The following SPRR2B variants were observed in gnomAD, a reference collection of about 807,000 sequenced individuals.
The protein encoded by SPRR2B is small proline-rich protein 2B.
A neutral mutation model predicts 1.0 loss-of-function variants in SPRR2B; 1 was observed. That is an observed-to-expected ratio of 1.01 (90% CI 0.36 to 4.77). SPRR2B has a LOEUF of 4.77. Among genes scored for constraint, SPRR2B ranks in the 30% most tolerant of loss-of-function variants. The pLI is 0.16. For missense variants in SPRR2B, 53 were observed against 88.7 expected, an observed-to-expected ratio of 0.60 and a Z score of 1.62; for synonymous variants, 27 against 33.4, an observed-to-expected ratio of 0.81 and a Z score of 0.66.
the SPRR2B span, among the ~76,000 whole-genome samples, chr1:153,077,384 G>C: frequency 6.6e-6 from 1 of 152,160 alleles, no homozygotes; most frequent in Admixed American, 6.5e-5. Context: ...GGATGCTGGA[G>C]AGAAACTATG....
chr1:153,073,695 TCACA>T (rs4041380), upstream of SPRR2B, among the ~76,000 whole-genome samples: 1,926 of 144,578 alleles, frequency 0.013, 15 homozygotes, highest in Middle Eastern at 0.025. Context: ...GAGGCATACT[TCACA>T]CACACACACA....
chr1:153,078,411 G>A, the SPRR2B span, among the ~76,000 whole-genome samples: 33 of 152,052 alleles, frequency 2.2e-4, no homozygotes, highest in African/African-American at 6.8e-4. Context: ...TGTGCACAAC[G>A]TGCAGGTTAG....
At chr1:153,076,079 G>GA (rs1035975388), upstream of SPRR2B, among the ~76,000 whole-genome samples, 3 of 152,066 alleles carry the variant, frequency 2.0e-5, no homozygotes, top group Admixed American at 6.5e-5. Context: ...TTATTCTTCT[G>GA]AAAAAATATA....
chr1:153,072,251 A>G (rs1212253129), upstream of SPRR2B, among the ~76,000 whole-genome samples: 2 of 152,026 alleles, frequency 1.3e-5, no homozygotes, highest in African/African-American at 4.8e-5. Context: ...TGTCTTACAC[A>G]CCTCTTATAG....
the SPRR2B span, among the ~76,000 whole-genome samples, chr1:153,077,432 C>T: frequency 1.3e-5 from 2 of 152,130 alleles, no homozygotes. Context: ...TACACTGGTA[C>T]ATAAAAGCTG....
the SPRR2B span, among the ~76,000 whole-genome samples, chr1:153,078,962 A>G: frequency 7.1e-4 from 108 of 152,306 alleles, 3 homozygotes; most frequent in East Asian, 0.02. Flanking sequence ...TCGTTGAACT[A>G]GTTTACAGTC....
At chr1:153,083,629 G>A in the SPRR2B span, among the ~76,000 whole-genome samples, 2 of 152,090 alleles carry the variant, frequency 1.3e-5, no homozygotes, top group Non-Finnish European at 2.9e-5. Context: ...CCCTGCACAG[G>A]GACACTACAC....
intron 1 of SPRR2B, among the ~76,000 whole-genome samples, 190 bp downstream of exon 1, chr1:153,071,379 A>G (rs924061547): frequency 8.6e-5 from 13 of 151,998 alleles, no homozygotes; most frequent in Non-Finnish European, 1.9e-4. Context: ...CTCTGTCCAT[A>G]TGAACATATA....
the SPRR2B span, among the ~76,000 whole-genome samples, chr1:153,087,660 T>A: frequency 6.6e-6 from 1 of 152,162 alleles, no homozygotes; most frequent in Non-Finnish European, 1.5e-5. Context: ...ACAAATGCAT[T>A]CTTGGACACA....
the SPRR2B span, among the ~76,000 whole-genome samples, chr1:153,078,257 A>T: frequency 2.0e-5 from 3 of 152,238 alleles, no homozygotes; most frequent in Non-Finnish European, 4.4e-5. Flanking sequence ...TAGCCAAAAG[A>T]GACCAGAGGT....
In SPRR2B at chr1:153,070,751, G is replaced by A. The variant is rs766350599; in HGVS notation, c.89C>T (p.Pro30Leu). Residue 30 changes from proline (P) to leucine (L), a missense_variant, in exon 2 of 2, where the codon CCG becomes CTG. Pro to Leu is a moderately conservative substitution (Grantham distance 98). Transcript: ENST00000368755. ...TPKCPEPCPP[P>L]KCPEPCPPPK... ...TGGTGGGCAGGGCTCAGGGCACTTC[G>A]GGGGTGGACATGGCTCTGGGCACTT... The A allele has an allele frequency of 1.9e-5, 31 of 1,606,394 alleles. No individual in the cohort carries two copies. In the East Asian group the frequency reaches 5.4e-4, roughly 28 times the overall value.
At chr1:153,074,010 A>C (rs1654724642), upstream of SPRR2B, among the ~76,000 whole-genome samples, 1 of 152,212 alleles carries the variant, frequency 6.6e-6, no homozygotes, top group Non-Finnish European at 1.5e-5. Context: ...TCACATATGT[A>C]GCTTTGGCTA....
At chr1:153,072,610 A>G (rs1350249189), upstream of SPRR2B, among the ~76,000 whole-genome samples, 1 of 152,146 alleles carries the variant, frequency 6.6e-6, no homozygotes, top group African/African-American at 2.4e-5. Flanking sequence ...GTGTGATCCT[A>G]TATGTTTGCT....
At chr1:153,085,509 C>T in the SPRR2B span, among the ~76,000 whole-genome samples, 1 of 152,054 alleles carries the variant, frequency 6.6e-6, no homozygotes, top group African/African-American at 2.4e-5. Flanking sequence ...ATGAATGAAG[C>T]CTCAGAAAAA....
At chr1:153,084,466 C>T in the SPRR2B span, among the ~76,000 whole-genome samples, 1 of 152,112 alleles carries the variant, frequency 6.6e-6, no homozygotes. Flanking sequence ...GCACCCCAAA[C>T]AAAAACCCCA....
the SPRR2B span, among the ~76,000 whole-genome samples, chr1:153,076,778 T>C: frequency 6.6e-6 from 1 of 152,218 alleles, no homozygotes; most frequent in Non-Finnish European, 1.5e-5. Context: ...AGTCATAATA[T>C]CCACTATCTG....
upstream of SPRR2B, among the ~76,000 whole-genome samples, chr1:153,073,237 C>T (rs1202501687): frequency 2.0e-5 from 3 of 152,218 alleles, no homozygotes; most frequent in East Asian, 5.8e-4. Context: ...ACAGTGTTCT[C>T]ACCAAATGTG....
the SPRR2B span, among the ~76,000 whole-genome samples, chr1:153,081,465 T>A: frequency 6.6e-6 from 1 of 152,186 alleles, no homozygotes; most frequent in African/African-American, 2.4e-5. Context: ...TCCTTTAAAA[T>A]GAGGGCAAAA....
At chr1:153,086,702 A>G in the SPRR2B span, among the ~76,000 whole-genome samples, 2 of 152,228 alleles carry the variant, frequency 1.3e-5, no homozygotes, top group Non-Finnish European at 2.9e-5. Context: ...GTTATTCACT[A>G]CCAAAACTTA....
Sources: allele counts gnomAD v4.1 joint callset (sites outside exome capture counted in the v4.1 genomes callset), GRCh38; gene constraint gnomAD v4.1.1; transcripts MANE v1.5; gene names NCBI Gene and HGNC (gene_info 2026-07-23, HGNC 2026-07-21).